Variants in G3BP1 observed in about 807,000 individuals in gnomAD.
G3BP1 encodes G3BP stress granule assembly factor 1, also known as ras GTPase-activating protein-binding protein 1.
A neutral mutation model predicts 58.6 loss-of-function variants in G3BP1; 35 were observed. The observed-to-expected ratio is 0.60, with a 90% CI of 0.46 to 0.79. The LOEUF is 0.79. G3BP1 is among the 30% of genes least tolerant of loss of function. The probability of loss-of-function intolerance (pLI) is 0.00; values close to 1 mark genes in which losing one functional copy is unlikely to be tolerated. For synonymous variants in G3BP1, 191 were observed against 195.4 expected (o/e 0.98, Z 0.19); for missense variants, 523 against 580.8 (o/e 0.90, Z 1.02).
intron 2 of G3BP1, among the ~76,000 whole-genome samples, chr5:151,789,734 C>A (rs1301256820): frequency 1.3e-5 from 2 of 152,164 alleles, no homozygotes; most frequent in Non-Finnish European, 1.5e-5. Flanking sequence ...GTATTGGTGG[C>A]CATCTTGACA....
At chr5:151,776,710 A>C (rs536173351) in intron 1 of G3BP1, among the ~76,000 whole-genome samples, 2 of 151,904 alleles carry the variant, frequency 1.3e-5, no homozygotes, top group African/African-American at 4.8e-5. Context: ...GTAATCCACA[A>C]TTATCCTTGC....
chr5:151,795,503 C>A lies in G3BP1; in HGVS notation c.467C>A (p.Pro156His). ...QEESEEEVEE[P>H]EERQQTPEVV... ...GAGTCTGAAGAAGAAGTAGAGGAAC[C>A]TGAAGAAAGACAGCAAACACCTGAG... Residue 156 changes from proline (P) to histidine (H), a missense_variant, in exon 6 of 12, where the codon CCT becomes CAT. Transcript: ENST00000356245. 1 of 1,597,070 alleles carries A rather than the reference C, an allele frequency of 6.3e-7. No homozygotes were observed. Among genetic ancestry groups the A allele is most frequent in the Non-Finnish European group, 8.6e-7 (1 of 1,165,396 alleles).
At chr5:151,772,157 A>ACCCCCAC (rs1184921542) in intron 1 of G3BP1, 121 bp downstream of exon 1, 3 of 147,158 alleles carry the variant, frequency 2.0e-5, no homozygotes, top group African/African-American at 7.4e-5. Flanking sequence ...CCCCACCCCA[A>ACCCCCAC]CCCCCACCCC....
chr5:151,797,317 C>T lies in G3BP1; in HGVS notation c.630C>T (p.Ile210=), dbSNP rs148167548. ...PEPEQEPVSE[I]QEEKPEPVLE... ...CAGAACAAGAACCTGTATCTGAAAT[C>T]CAAGAGGAAAAGCCTGAGCCAGTAT... The change falls in exon 7 of 12, where the codon ATC becomes ATT. Residue 210 remains isoleucine (I), a synonymous_variant. Coordinates refer to ENST00000356245, the MANE Select transcript of G3BP1 (RefSeq NM_005754.3). The T allele has an allele frequency of 9.1e-5, 147 of 1,613,764 alleles. No individual in the cohort carries two copies. The highest frequency in any genetic ancestry group is 1.2e-4 in the Non-Finnish European group (137 of 1,179,820).
chr5:151,786,940 T>G (rs1581575315), intron 2 of G3BP1: 2 of 314,386 alleles, frequency 6.4e-6, no homozygotes, highest in East Asian at 5.4e-5. Flanking sequence ...CCTCCCCAGT[T>G]TAAGTGATTC....
chr5:151,803,857 T>G (rs1212005108), intron 11 of G3BP1, 28 bp from the exon 12 acceptor site: 5 of 1,512,290 alleles, frequency 3.3e-6, no homozygotes, highest in Non-Finnish European at 4.6e-6. Flanking sequence ...ATCAGTACTC[T>G]TAAGTCTGGT....
rs1231262593 is a variant in G3BP1 at position 151,811,472 on chromosome 5, A to G, written c.*7381A>G. ...TTGCATATAAAGTTGGTTAAATAGTAATAATTATGAGTTAACCACAGAAAA... is the reference window on the plus strand; with the variant it reads ...TTGCATATAAAGTTGGTTAAATAGTGATAATTATGAGTTAACCACAGAAAA... On this transcript the variant is annotated 3_prime_UTR_variant, in exon 12 of 12. Coordinates refer to ENST00000356245, the MANE Select transcript of G3BP1 (RefSeq NM_005754.3). 1 of 152,256 alleles carries G rather than the reference A, an allele frequency of 6.6e-6. No individual in the cohort carries two copies. The highest frequency in any genetic ancestry group is 1.5e-5 in the Non-Finnish European group (1 of 68,042). The allele number at this position is 152,256 out of a possible 1,614,324, so 9.4% of individuals were successfully genotyped here. A position where few individuals can be genotyped will look rare whatever the true frequency, so the allele number is the denominator to read the frequency against.
rs547316789 is a variant in G3BP1 at position 151,803,515 on chromosome 5, C to T, written c.1195-370C>T. Among the ~76,000 whole-genome samples the T allele has an allele frequency of 2.7e-4, 41 of 151,320 alleles. 1 individual carries two copies. The highest frequency in any genetic ancestry group is 1.0e-3 in the South Asian group (5 of 4,782). On this transcript the variant is annotated intron_variant, in intron 11 of 11. Coordinates refer to ENST00000356245, the MANE Select transcript of G3BP1 (RefSeq NM_005754.3). ...TGCTGGTTCTTTTTTTTTTCTGAGT[C>T]GGAGTCTCGCTCTTTTTCCCAGACT...
At chr5:151,782,308 T>C (rs1344758737) in intron 1 of G3BP1, among the ~76,000 whole-genome samples, 1 of 152,156 alleles carries the variant, frequency 6.6e-6, no homozygotes, top group African/African-American at 2.4e-5. Context: ...AAATAAATTT[T>C]GGGGGTTTCC....
chr5:151,785,264 T>C (rs146166219), intron 1 of G3BP1, among the ~76,000 whole-genome samples: 7 of 152,360 alleles, frequency 4.6e-5, no homozygotes, highest in African/African-American at 1.7e-4. Context: ...CTTCTTCATA[T>C]TGATCTTAGT....
intron 11 of G3BP1, among the ~76,000 whole-genome samples, chr5:151,802,162 A>G (rs1762866233): frequency 6.6e-6 from 1 of 152,184 alleles, no homozygotes; most frequent in Non-Finnish European, 1.5e-5. Flanking sequence ...CAACCTGAGT[A>G]TGCAAATATA....
At chr5:151,777,262 A>G (rs963520689) in intron 1 of G3BP1, among the ~76,000 whole-genome samples, 1 of 152,370 alleles carries the variant, frequency 6.6e-6, no homozygotes, top group African/African-American at 2.4e-5. Flanking sequence ...GTTTGAATAC[A>G]TGACATAATC....
chr5:151,801,027 GC>G (rs1335080850), intron 11 of G3BP1, among the ~76,000 whole-genome samples, 158 bp downstream of exon 11: 1 of 151,636 alleles, frequency 6.6e-6, no homozygotes, highest in African/African-American at 2.4e-5. Flanking sequence ...TAAAAGACTT[GC>G]CTGGGGGTTT....
At chr5:151,772,483 CTGAT>C (rs1206160253) in intron 1 of G3BP1, 2 of 152,552 alleles carry the variant, frequency 1.3e-5, no homozygotes, top group Admixed American at 1.3e-4. Flanking sequence ...GCACTAAAGT[CTGAT>C]TGGAGTCTTG....
At chr5:151,785,167 A>G (rs12517599) in intron 1 of G3BP1, among the ~76,000 whole-genome samples, 6 of 152,228 alleles carry the variant, frequency 3.9e-5, no homozygotes, top group Non-Finnish European at 8.8e-5. Flanking sequence ...TTTAAAGTAC[A>G]TTAGTCTAAG....
intron 6 of G3BP1, among the ~76,000 whole-genome samples, chr5:151,796,408 A>G (rs765763298): frequency 6.6e-6 from 1 of 152,178 alleles, no homozygotes; most frequent in Non-Finnish European, 1.5e-5. Flanking sequence ...AGCTGGGACT[A>G]CAGGCGCACG....
intron 1 of G3BP1, among the ~76,000 whole-genome samples, chr5:151,773,862 C>A (rs967188838): frequency 6.6e-6 from 1 of 152,140 alleles, no homozygotes; most frequent in Non-Finnish European, 1.5e-5. Context: ...ACTGTTTAAG[C>A]TTGAGTCCAG....
rs1763018821 is a variant in G3BP1, at chr5:151,811,560, A to G, written c.*7469A>G. The G allele has an allele frequency of 6.6e-6, 1 of 152,214 alleles. No homozygotes were observed. The highest frequency in any genetic ancestry group is 1.5e-5 in the Non-Finnish European group (1 of 68,036). 9.4% of individuals were successfully genotyped at this position (152,214 alleles called of 1,614,324 possible). ...ATGGATATGTGTATATGGATGGTTCAATAAATATACTTTTATATACATGTT... is the reference window on the plus strand; with the variant it reads ...ATGGATATGTGTATATGGATGGTTCGATAAATATACTTTTATATACATGTT... On this transcript the variant is annotated 3_prime_UTR_variant, in exon 12 of 12. Coordinates refer to ENST00000356245, the MANE Select transcript of G3BP1 (RefSeq NM_005754.3).
Position 151,806,642 on chromosome 5 carries a change from A to G in G3BP1, c.*2551A>G, listed in dbSNP as rs1319040559. 2 of 152,224 alleles carry G rather than the reference A, an allele frequency of 1.3e-5. No individual in the cohort carries two copies. The highest frequency in any genetic ancestry group is 2.4e-5 in the African/African-American group (1 of 41,564). The allele number at this position is 152,224 out of a possible 1,614,324, so 9.4% of individuals were successfully genotyped here. On this transcript the variant is annotated 3_prime_UTR_variant, in exon 12 of 12. Transcript: ENST00000356245. ...ACGTTTCCACTGCTGGAAAATCATT[A>G]TAAGTTAGGGCAACATTTTCTATAG...
Sources: gnomAD v4.1 joint callset for allele counts (sites outside exome capture counted in the v4.1 genomes callset) on GRCh38, gnomAD v4.1.1 for gene constraint, MANE v1.5 for transcripts, NCBI Gene and HGNC (gene_info 2026-07-23, HGNC 2026-07-21) for gene names.